The following FKBP9 variants were observed in gnomAD, a reference collection of about 807,000 sequenced individuals.
FKBP9 encodes the protein FKBP prolyl isomerase 9, also known as peptidyl-prolyl cis-trans isomerase FKBP9.
In FKBP9, 27 loss-of-function variants were observed where a neutral mutation model predicts 55.6. The ratio of observed to expected loss-of-function variants is 0.49; its 90% confidence interval spans 0.36 to 0.67. FKBP9 has a LOEUF of 0.67. Ranked by LOEUF, FKBP9 falls within the 30% of genes least tolerant of loss-of-function variation. The pLI is 0.00. For missense variants in FKBP9, 539 were observed against 742.8 expected (o/e 0.73, Z 3.19); for synonymous variants, 267 against 296.5 (o/e 0.90, Z 1.02).
At chr7:32,965,843 A>ATATATATATATGTG (rs1309792242) in intron 1 of FKBP9, among the ~76,000 whole-genome samples, 1 of 41,422 alleles carries the variant, frequency 2.4e-5, no homozygotes, top group African/African-American at 9.8e-5. Context: ...ATATATATAT[A>ATATATATATATGTG]TGTGTGTACA....
intron 5 of FKBP9, among the ~76,000 whole-genome samples, chr7:32,983,856 T>C (rs1784528390): frequency 1.3e-5 from 2 of 152,252 alleles, no homozygotes; most frequent in South Asian, 4.1e-4. Flanking sequence ...CTTTCTTTTG[T>C]GAACTACCTG....
intron 5 of FKBP9, among the ~76,000 whole-genome samples, chr7:32,984,797 C>T (rs1784544140): frequency 6.6e-6 from 1 of 152,184 alleles, no homozygotes; most frequent in South Asian, 2.1e-4. Context: ...AGATGGTTAG[C>T]TAGTTTTTCC....
intron 3 of FKBP9, among the ~76,000 whole-genome samples, chr7:32,975,854 G>T (rs1176850058): frequency 6.6e-6 from 1 of 152,130 alleles, no homozygotes; most frequent in Non-Finnish European, 1.5e-5. Context: ...CAGCATATTA[G>T]CCAGGGTGTT....
chr7:32,986,495 T>G (rs1164321953), intron 5 of FKBP9, among the ~76,000 whole-genome samples: 4 of 152,188 alleles, frequency 2.6e-5, no homozygotes. Flanking sequence ...GGTCCTCCTC[T>G]TCCCTGCTGT....
intron 6 of FKBP9, chr7:32,992,606 T>A: frequency 5.5e-6 from 1 of 181,636 alleles, no homozygotes; most frequent in Non-Finnish European, 1.2e-5. Flanking sequence ...CTATACTTAA[T>A]CTACAAATAG....
At chr7:32,994,084 A>G (rs1048046725) in intron 6 of FKBP9, among the ~76,000 whole-genome samples, 2 of 152,238 alleles carry the variant, frequency 1.3e-5, no homozygotes, top group African/African-American at 4.8e-5. Flanking sequence ...CTTGAAATAT[A>G]ATTCACATAC....
rs1296825700 is a variant in FKBP9, at chr7:32,996,055, C to T, written c.1040-108C>T. On this transcript the variant is annotated intron_variant, in intron 6 of 9. Transcript: ENST00000242209. ...TCCTAGGGTTCTGTATCTGGGTGCCCGTTTTCCTCACTTGGAGGGCCTTGA... is the reference window on the plus strand; with the variant it reads ...TCCTAGGGTTCTGTATCTGGGTGCCTGTTTTCCTCACTTGGAGGGCCTTGA... The T allele has an allele frequency of 2.0e-5, 18 of 916,746 alleles. No individual in the cohort carries two copies. The East Asian group carries it at 2.4e-4, about 12-fold the overall frequency. 56.8% of individuals were successfully genotyped at this position (916,746 alleles called of 1,614,324 possible). A position where few individuals can be genotyped will look rare whatever the true frequency, so the allele number is the denominator to read the frequency against.
chr7:32,971,453 C>A (rs1392189647), intron 1 of FKBP9, among the ~76,000 whole-genome samples: 1 of 151,930 alleles, frequency 6.6e-6, no homozygotes, highest in Non-Finnish European at 1.5e-5. Context: ...TTCTTCCTTT[C>A]TTCCTTTCTT....
Position 33,005,989 on chromosome 7 carries a change from C to G in FKBP9, c.*638C>G, listed in dbSNP as rs139897946. The G allele has an allele frequency of 4.2e-3, 969 of 230,038 alleles. 9 individuals are homozygous for G. The highest frequency in any genetic ancestry group is 0.014 in the African/African-American group (618 of 45,090). The allele number at this position is 230,038 out of a possible 1,614,324, so 14.2% of individuals were successfully genotyped here. On this transcript the variant is annotated 3_prime_UTR_variant, in exon 10 of 10. Transcript: ENST00000242209. Reference sequence around the variant, plus strand: ...TGTATAACTTGGAGGTTAAAAGAGCCTTTTGGACAGAAAACTGGGCCAGGA... The same window carrying G: ...TGTATAACTTGGAGGTTAAAAGAGCGTTTTGGACAGAAAACTGGGCCAGGA...
At chr7:32,996,778 CTTTTTTTTTTTTTTTT>C (rs1170596077) in intron 7 of FKBP9, among the ~76,000 whole-genome samples, 2 of 32,340 alleles carry the variant, frequency 6.2e-5, no homozygotes, top group African/African-American at 1.5e-4. Context: ...AAGTCTCACT[CTTTTTTTTTTTTTTTT>C]TTTTTTTTTT....
chr7:32,979,726 T>C (rs1465449961), intron 4 of FKBP9: 1 of 713,516 alleles, frequency 1.4e-6, no homozygotes, highest in East Asian at 2.7e-5. Flanking sequence ...TTTGCAGATA[T>C]TCAAAATATT....
chr7:32,988,748 G>A (rs190191486), intron 6 of FKBP9, 96 bp downstream of exon 6: 31 of 1,219,702 alleles, frequency 2.5e-5, no homozygotes, highest in Middle Eastern at 3.9e-4. Context: ...TTCTTTTTGA[G>A]ATAGGGTCTC....
At chr7:32,968,407 C>T (rs1006753754) in intron 1 of FKBP9, among the ~76,000 whole-genome samples, 1 of 152,002 alleles carries the variant, frequency 6.6e-6, no homozygotes, top group African/African-American at 2.4e-5. Flanking sequence ...TTTGAGGAGC[C>T]TACAGACCAT....
At chr7:32,968,315 G>A (rs1784186681) in intron 1 of FKBP9, among the ~76,000 whole-genome samples, 1 of 152,170 alleles carries the variant, frequency 6.6e-6, no homozygotes, top group African/African-American at 2.4e-5. Flanking sequence ...CACTGCGTCC[G>A]GCCTGATTCT....
chr7:33,001,771 T>C (rs1371200698), intron 8 of FKBP9, among the ~76,000 whole-genome samples: 1 of 152,142 alleles, frequency 6.6e-6, no homozygotes, highest in Non-Finnish European at 1.5e-5. Context: ...TCAGGCATAT[T>C]GTTCAGATTC....
intron 4 of FKBP9, among the ~76,000 whole-genome samples, chr7:32,978,541 A>G (rs1408222645): frequency 6.6e-6 from 1 of 152,070 alleles, no homozygotes; most frequent in Non-Finnish European, 1.5e-5. Flanking sequence ...AAGTTTTTTT[A>G]GAGACAGTGT....
intron 1 of FKBP9, among the ~76,000 whole-genome samples, chr7:32,960,108 CTTTTT>C (rs398004304): frequency 1.0e-5 from 1 of 98,630 alleles, no homozygotes; most frequent in Non-Finnish European, 1.9e-5. Flanking sequence ...TTGTACTTGT[CTTTTT>C]TTTTTTTTTT....
intron 1 of FKBP9, among the ~76,000 whole-genome samples, chr7:32,960,667 G>A (rs1410196616): frequency 6.6e-6 from 1 of 152,162 alleles, no homozygotes; most frequent in African/African-American, 2.4e-5. Flanking sequence ...GTGTAGGGCA[G>A]TTGAAAGAGC....
At chr7:32,967,709 A>T (rs1784172407) in intron 1 of FKBP9, among the ~76,000 whole-genome samples, 1 of 151,970 alleles carries the variant, frequency 6.6e-6, no homozygotes, top group Admixed American at 6.6e-5. Flanking sequence ...CAAATATCTG[A>T]GTTGTTGTTT....
Sources: allele counts gnomAD v4.1 joint callset (sites outside exome capture counted in the v4.1 genomes callset), GRCh38; gene constraint gnomAD v4.1.1; transcripts MANE v1.5; gene names NCBI Gene and HGNC (gene_info 2026-07-23, HGNC 2026-07-21).